Variants in EIF4A3 observed in about 807,000 individuals in gnomAD.
EIF4A3 encodes eukaryotic translation initiation factor 4A3.
EIF4A3 carries 1 observed loss-of-function variant against 55.6 expected under a neutral mutation model. The observed-to-expected ratio is 0.02, with a 90% confidence interval of 0.01 to 0.09. The LOEUF is 0.09. Among genes scored for constraint, EIF4A3 ranks in the 10% least tolerant of loss-of-function variants. The pLI is 1.00. For synonymous variants in EIF4A3, 194 were observed against 196.3 expected, an observed-to-expected ratio of 0.99 and a Z score of 0.10; for missense variants, 221 against 540.7, an observed-to-expected ratio of 0.41 and a Z score of 5.86.
chr17:80,141,328 C>T lies in EIF4A3; in HGVS notation c.363G>A (p.Gln121=), dbSNP rs755408251. 1 of 1,613,338 alleles carries T rather than the reference C, an allele frequency of 6.2e-7. No homozygotes were observed. The highest frequency in any genetic ancestry group is 1.1e-5 in the South Asian group (1 of 91,026). ...TCTTTAGCCATCTCACCTTCTGGAT[C>T]TGCACAGCCAACTCTCTTGTGGGAG... ...ILAPTRELAV[Q]IQKGLLALGD... is the part of the protein sequence containing the mutation. The change falls in exon 4 of 12, where the codon CAG becomes CAA. Residue 121 remains glutamine, a synonymous_variant. Coordinates refer to ENST00000649764, the MANE Select transcript of EIF4A3 (RefSeq NM_014740.4).
chr17:80,141,452 C>G, intron 3 of EIF4A3, 71 bp from the exon 4 acceptor site: 1 of 1,422,708 alleles, frequency 7.0e-7, no homozygotes, highest in Non-Finnish European at 9.9e-7. Context: ...AATTCACACT[C>G]AGATCTATAT....
chr17:80,146,674 C>T, intron 1 of EIF4A3, 119 bp downstream of exon 1: 1 of 1,266,340 alleles, frequency 7.9e-7, no homozygotes, highest in South Asian at 1.6e-5. Context: ...CCCCGAGCCT[C>T]GACCCTGACC....
Position 80,138,890 on chromosome 17 carries a change from G to A in EIF4A3, c.728+131C>T. The stretch of plus-strand genomic sequence containing the variant: ...ACACTCAGGCAAGAGGATAGCCTGA[G>A]GTCCGGGTTTTGACACGAGCTTCAG... On this transcript the variant is annotated intron_variant, in intron 7 of 11. Coordinates refer to ENST00000649764, the MANE Select transcript of EIF4A3 (RefSeq NM_014740.4). 5 of 1,216,094 alleles carry A rather than the reference G, an allele frequency of 4.1e-6. No homozygotes were observed. The South Asian group carries it at 4.4e-5, about 11-fold the overall frequency. The allele number at this position is 1,216,094 out of a possible 1,614,324, so 75.3% of individuals were successfully genotyped here.
chr17:80,141,760 T>A (rs760909520), intron 3 of EIF4A3, 22 bp downstream of exon 3: 3 of 1,600,882 alleles, frequency 1.9e-6, no homozygotes, highest in Non-Finnish European at 2.6e-6. Context: ...CATAACAGTT[T>A]GTTTTAAGAA....
rs1198636310 is a variant in EIF4A3 at position 80,141,710 on chromosome 17, CTG to C, written c.309+70_309+71del. On this transcript the variant is annotated intron_variant, in intron 3 of 11. Transcript: ENST00000649764. ...AATTTTAAATTGTACTTTTTGAACA[CTG>C]TAGTTACAGAAGAAAAAGCAAGTAT... 5 of 1,468,060 alleles carry C rather than the reference CTG, an allele frequency of 3.4e-6. No individual in the cohort carries two copies. In the South Asian group the frequency reaches 3.5e-5, roughly 10 times the overall value. 90.9% of individuals were successfully genotyped at this position (1,468,060 alleles called of 1,614,324 possible). A position where few individuals can be genotyped will look rare whatever the true frequency, so the allele number is the denominator to read the frequency against.
At chr17:80,138,497 A>G (rs1421741388) in intron 7 of EIF4A3, 1 of 540,252 alleles carries the variant, frequency 1.9e-6, no homozygotes, top group Non-Finnish European at 3.3e-6. Context: ...TGTGCACCAC[A>G]TGGAATACGA....
intron 7 of EIF4A3, 144 bp from the exon 8 acceptor site, chr17:80,138,424 T>C (rs2039590844): frequency 2.3e-6 from 2 of 868,262 alleles, no homozygotes. Context: ...AGCCCTGTCC[T>C]CCATCCTATC....
At chr17:80,145,289 G>A (rs1326513071) in intron 1 of EIF4A3, among the ~76,000 whole-genome samples, 1 of 152,222 alleles carries the variant, frequency 6.6e-6, no homozygotes, top group Non-Finnish European at 1.5e-5. Context: ...ATACGGCCAG[G>A]TGGGGTGGCT....
intron 9 of EIF4A3, chr17:80,137,168 G>A (rs2039577873): frequency 2.5e-6 from 1 of 402,780 alleles, no homozygotes; most frequent in Non-Finnish European, 4.4e-6. Context: ...GACCAACCTG[G>A]CTAGTTAAGG....
chr17:80,140,661 T>C (rs2039610535), intron 4 of EIF4A3, among the ~76,000 whole-genome samples: 1 of 152,204 alleles, frequency 6.6e-6, no homozygotes, highest in Non-Finnish European at 1.5e-5. Context: ...TGGTTTCTTA[T>C]TACAAAAGCT....
In EIF4A3 at chr17:80,146,929, G is replaced by A; in HGVS notation, c.33C>T (p.Gly11=). Residue 11 remains glycine (G), a synonymous_variant, in exon 1 of 12, where the codon GGC becomes GGT. Coordinates refer to ENST00000649764, the MANE Select transcript of EIF4A3 (RefSeq NM_014740.4). ...CTTTGAGCAGCCGCTTTCGCGCCGA[G>A]CCCGAGGTCGCCATCGTGGCCGTGG... MATTATMATS[G]SARKRLLKEE... is the part of the protein sequence containing the mutation. 6.2e-7 allele frequency: 1 copy of A among 1,608,770 alleles called. No individual in the cohort carries two copies.
At chr17:80,145,339 T>G (rs1598607080) in intron 1 of EIF4A3, among the ~76,000 whole-genome samples, 1 of 152,090 alleles carries the variant, frequency 6.6e-6, no homozygotes, top group South Asian at 2.1e-4. Flanking sequence ...CTGAGGCTGG[T>G]GGATCACTGA....
In EIF4A3 at chr17:80,146,957, G is replaced by T. The variant is rs1041900382; in HGVS notation, c.5C>A (p.Ala2Glu). ...CGAGGTCGCCATCGTGGCCGTGGTC[G>T]CCATGATTCAGAGTCCGCGGAAGAG... is the stretch of plus-strand genomic sequence containing the variant. M[A>E]TTATMATSGS... The change falls in exon 1 of 12, where the codon GCG becomes GAG. Residue 2 changes from alanine to glutamate, a missense_variant. Physicochemically the swap from Ala to Glu is moderately radical, Grantham distance 107. Transcript: ENST00000649764. The T allele has an allele frequency of 6.2e-7, 1 of 1,605,014 alleles. No individual in the cohort carries two copies. The highest frequency in any genetic ancestry group is 8.5e-7 in the Non-Finnish European group (1 of 1,177,598).
At chr17:80,142,080 ACT>A (rs1476201858) in intron 2 of EIF4A3, among the ~76,000 whole-genome samples, 1 of 152,088 alleles carries the variant, frequency 6.6e-6, no homozygotes, top group African/African-American at 2.4e-5. Flanking sequence ...GGAGCCACAG[ACT>A]CTCTAACTTC....
chr17:80,135,882 G>A (rs889140105), intron 11 of EIF4A3, 122 bp downstream of exon 11: 131 of 1,379,134 alleles, frequency 9.5e-5, no homozygotes, highest in Non-Finnish European at 1.2e-4. Context: ...GTGACAGAGC[G>A]AAACTTCGTC....
Position 80,136,038 on chromosome 17 carries a change from G to A in EIF4A3, c.1185C>T (p.Tyr395=), listed in dbSNP as rs368786288. Residue 395 remains tyrosine (Y), a synonymous_variant, in exon 11 of 12, where the codon TAC becomes TAT. Transcript: ENST00000649764. Reference sequence around the variant, plus strand: ...GCATCTCATCAATCTGAGTGGAATAGTACTGCTCGATATCTCTGAGGATGC... The same window carrying A: ...GCATCTCATCAATCTGAGTGGAATAATACTGCTCGATATCTCTGAGGATGC... ...DIRILRDIEQ[Y]YSTQIDEMPM... The A allele has an allele frequency of 6.2e-7, 1 of 1,614,106 alleles. No homozygotes were observed.
At chr17:80,138,467 T>C in intron 7 of EIF4A3, 187 bp from the exon 8 acceptor site, 1 of 603,684 alleles carries the variant, frequency 1.7e-6, no homozygotes, top group Middle Eastern at 4.5e-4. Context: ...CCATTCTGTA[T>C]CCTACTTAAC....
intron 2 of EIF4A3, among the ~76,000 whole-genome samples, chr17:80,143,006 C>CA (rs1343674810): frequency 2.0e-5 from 3 of 152,124 alleles, no homozygotes; most frequent in Non-Finnish European, 1.5e-5. Flanking sequence ...GTCTGGGAGA[C>CA]AGAGTAAGAC....
Position 80,135,163 on chromosome 17 carries a change from AAAAAG to A in EIF4A3, c.*322_*326del, listed in dbSNP as rs1203560890. ...GGAGACTGTCTCAAAAAAAAAAAAG[AAAAAG>A]AAAAGAAAAAAAGAAAAGTGAGTGA... On this transcript the variant is annotated 3_prime_UTR_variant, in exon 12 of 12. Coordinates refer to ENST00000649764, the MANE Select transcript of EIF4A3 (RefSeq NM_014740.4). The A allele has an allele frequency of 2.4e-5, 6 of 249,040 alleles. No individual in the cohort carries two copies. The highest frequency in any genetic ancestry group is 7.2e-5 in the East Asian group (1 of 13,966). The allele number at this position is 249,040 out of a possible 1,614,324, so 15.4% of individuals were successfully genotyped here. A position where few individuals can be genotyped will look rare whatever the true frequency, so the allele number is the denominator to read the frequency against.
Sources: allele counts gnomAD v4.1 joint callset (sites outside exome capture counted in the v4.1 genomes callset), GRCh38; gene constraint gnomAD v4.1.1; transcripts MANE v1.5; gene names NCBI Gene and HGNC (gene_info 2026-07-23, HGNC 2026-07-21).